The following TACC2 variants were observed in gnomAD, a reference collection of about 807,000 sequenced individuals.
TACC2 encodes the protein transforming acidic coiled-coil-containing protein 2.
Under a neutral mutation model 227.3 loss-of-function variants are expected in TACC2, and 137 were observed. That is an observed-to-expected ratio of 0.60 (90% CI 0.52 to 0.69). TACC2 has a LOEUF of 0.69. Among genes scored for constraint, TACC2 ranks in the 30% least tolerant of loss-of-function variants. The pLI is 0.00. For synonymous variants in TACC2, 1,523 were observed against 1,487.5 expected (o/e 1.02, Z -0.55); for missense variants, 3,470 against 3,694.4 (o/e 0.94, Z 1.57).
chr10:122,235,793 C>A (rs1047548963), intron 16 of TACC2, among the ~76,000 whole-genome samples: 1 of 152,108 alleles, frequency 6.6e-6, no homozygotes, highest in Non-Finnish European at 1.5e-5. Flanking sequence ...GGTCAAGCGT[C>A]CTTAAAACGG....
At chr10:122,159,891 G>A (rs1213602020) in intron 7 of TACC2, among the ~76,000 whole-genome samples, 4 of 152,160 alleles carry the variant, frequency 2.6e-5, no homozygotes, top group Non-Finnish European at 4.4e-5. Context: ...GAGACTCCCT[G>A]AGGCCAGAGG....
intron 5 of TACC2, among the ~76,000 whole-genome samples, chr10:122,116,741 T>C (rs1277381490): frequency 6.6e-6 from 1 of 152,236 alleles, no homozygotes; most frequent in Non-Finnish European, 1.5e-5. Context: ...TGCTGTAGCC[T>C]GTGTGCATTA....
chr10:122,158,336 C>G (rs1340717881), intron 7 of TACC2, among the ~76,000 whole-genome samples: 7 of 151,890 alleles, frequency 4.6e-5, no homozygotes, highest in African/African-American at 1.7e-4. Flanking sequence ...TTGCAGTGAG[C>G]TGAGATCGTG....
rs905232145 is a variant in TACC2, at chr10:122,194,298, T to C, written c.5835-742T>C. 3.9e-5 allele frequency among the ~76,000 whole-genome samples: 6 copies of C among 152,158 alleles called. No homozygotes were observed. The highest frequency in any genetic ancestry group is 1.4e-4 in the African/African-American group (6 of 41,426). On this transcript the variant is annotated intron_variant, in intron 7 of 22. Coordinates refer to ENST00000369005, the MANE Select transcript of TACC2 (RefSeq NM_206862.4). This position sits in a 1 kb window ranked among gnomAD's most constrained non-coding sequence, Gnocchi z 4.4. ...TGTTAGTGGGCAGAGTTTCTCCACA[T>C]GGATTTTTGGTCCAGTTCTCTGGGT...
chr10:122,094,416 C>A (rs891721913), intron 5 of TACC2, among the ~76,000 whole-genome samples: 12 of 152,308 alleles, frequency 7.9e-5, no homozygotes, highest in African/African-American at 2.9e-4. Context: ...GTAGCTGAGA[C>A]TGCAGGTGCG....
chr10:122,230,337 C>A lies in TACC2; in HGVS notation c.8038-14C>A, dbSNP rs1401570424. ...TGCATTTCCCTGCGGTTTGCCCACA[C>A]TCCCTGTGGGCAGGAGGAGTTAGAG... is the stretch of plus-strand genomic sequence containing the variant. On this transcript the variant is annotated splice_polypyrimidine_tract_variant and intron_variant, in intron 15 of 22. Coordinates refer to ENST00000369005, the MANE Select transcript of TACC2 (RefSeq NM_206862.4). The A allele has an allele frequency of 6.2e-7, 1 of 1,602,592 alleles. No individual in the cohort carries two copies. Among genetic ancestry groups the A allele is most frequent in the Non-Finnish European group, 8.6e-7 (1 of 1,169,574 alleles).
chr10:122,062,954 T>A (rs2076997973), intron 3 of TACC2, among the ~76,000 whole-genome samples: 1 of 152,112 alleles, frequency 6.6e-6, no homozygotes, highest in Non-Finnish European at 1.5e-5. Flanking sequence ...AAATCAGGGC[T>A]CAGAGAGGTT....
At chr10:122,169,667 A>G (rs2093369509) in intron 7 of TACC2, among the ~76,000 whole-genome samples, 1 of 152,122 alleles carries the variant, frequency 6.6e-6, no homozygotes, top group African/African-American at 2.4e-5. Flanking sequence ...CTCTCTCTCT[A>G]AGACATCTCA....
At chr10:122,204,883 G>A (rs2140920114) in intron 8 of TACC2, among the ~76,000 whole-genome samples, 1 of 151,904 alleles carries the variant, frequency 6.6e-6, no homozygotes. Flanking sequence ...ATCAGCCCAG[G>A]GCTGCTGAAG....
At chr10:122,220,591 T>A (rs1020847587) in intron 11 of TACC2, among the ~76,000 whole-genome samples, 1 of 152,196 alleles carries the variant, frequency 6.6e-6, no homozygotes, top group Non-Finnish European at 1.5e-5. Context: ...ATGTGATTGA[T>A]CGTCAGAAAG....
intron 7 of TACC2, among the ~76,000 whole-genome samples, chr10:122,190,536 C>G (rs2094375040): frequency 6.6e-6 from 1 of 152,162 alleles, no homozygotes; most frequent in Non-Finnish European, 1.5e-5. Context: ...TTCCCTCTTT[C>G]CTGCTTGGTT....
chr10:122,084,424 G>A lies in TACC2; in HGVS notation c.1924G>A (p.Gly642Arg), dbSNP rs1408943663. Residue 642 changes from glycine to arginine, a missense_variant, in exon 4 of 23, where the codon GGG becomes AGG. Transcript: ENST00000369005. ...ACAGCCACCCAGAAAGGGGGGTGCT[G>A]GGCACACGGACGGGCCCCACTCTCA... ...SAQPPRKGGA[G>R]HTDGPHSQTA... The A allele has an allele frequency of 1.2e-6, 2 of 1,612,922 alleles. No individual in the cohort carries two copies. The highest frequency in any genetic ancestry group is 1.7e-5 in the Admixed American group (1 of 60,026).
intron 19 of TACC2, 121 bp downstream of exon 19, chr10:122,242,122 G>C: frequency 1.1e-6 from 1 of 914,010 alleles, no homozygotes; most frequent in Non-Finnish European, 1.8e-6. Context: ...TTCAGGGAAG[G>C]ACCAGAGCAT....
intron 11 of TACC2, among the ~76,000 whole-genome samples, chr10:122,218,675 T>C (rs2095461390): frequency 6.6e-6 from 1 of 152,174 alleles, no homozygotes; most frequent in Non-Finnish European, 1.5e-5. Flanking sequence ...GCCTTTTGGT[T>C]GGCTGTCAGG....
At chr10:122,249,292 C>T in intron 21 of TACC2, 136 bp downstream of exon 21, 1 of 745,118 alleles carries the variant, frequency 1.3e-6, no homozygotes, top group East Asian at 2.7e-5. Context: ...TTCAATAAGA[C>T]TCGAGAGAAG....
intron 9 of TACC2, among the ~76,000 whole-genome samples, chr10:122,213,692 C>T (rs1009766024): frequency 6.6e-5 from 10 of 152,112 alleles, no homozygotes; most frequent in African/African-American, 2.4e-4. Context: ...TTTTTAAACT[C>T]TTCATTACAT....
In TACC2 at chr10:122,084,601, C is replaced by T; in HGVS notation, c.2101C>T (p.Leu701Phe). The change falls in exon 4 of 23, where the codon CTT becomes TTT. Residue 701 changes from leucine to phenylalanine, a missense_variant. By Grantham distance (22) the Leu-to-Phe change is conservative. Transcript: ENST00000369005. Reference sequence around the variant, plus strand: ...ATTGCAGCCCAAATGTCCTGACACCCTTCAGAGCAGGGAAGGATTGGGAAG... The same window carrying T: ...ATTGCAGCCCAAATGTCCTGACACCTTTCAGAGCAGGGAAGGATTGGGAAG... ...SGLQPKCPDT[L>F]QSREGLGRME... 6.2e-7 allele frequency: 1 copy of T among 1,613,830 alleles called. No homozygotes were observed.
rs193067571 is a variant in TACC2, at chr10:122,097,233, G to T, written c.5573+8642G>T. ...GGTCCCAGCTATTCAGGAGGCTGAG[G>T]TGGGAGGATCGCTTGAGCCCAGGAG... is the stretch of plus-strand genomic sequence containing the variant. On this transcript the variant is annotated intron_variant, in intron 5 of 22. Transcript: ENST00000369005. Among the ~76,000 whole-genome samples the T allele has an allele frequency of 2.2e-4, 33 of 152,296 alleles. No homozygotes were observed. In the East Asian group the frequency reaches 6.0e-3, roughly 28 times the overall value.
At position 122,085,736 on chromosome 10, in the gene TACC2, CAG is replaced by C. The variant is rs758166315; in HGVS notation, c.3239_3240del (p.Glu1080GlyfsTer3). The C allele has an allele frequency of 5.0e-5, 80 of 1,613,790 alleles. No individual in the cohort carries two copies. The highest frequency in any genetic ancestry group is 2.7e-4 in the Admixed American group (16 of 60,004). Reference sequence around the variant, plus strand: ...ACACCCACCCAGGATGCCCCAGAGACAGAGGCATGTGATGAAACCCAGGAAGG... The same window carrying C: ...ACACCCACCCAGGATGCCCCAGAGACAGGCATGTGATGAAACCCAGGAAGG... On this transcript the variant is annotated frameshift_variant, in exon 4 of 23. Transcript: ENST00000369005. LOFTEE classifies it high-confidence loss of function.
Sources: gnomAD v4.1 joint callset for allele counts (sites outside exome capture counted in the v4.1 genomes callset) on GRCh38, gnomAD v4.1.1 for gene constraint, Gnocchi (gnomAD v3.1) non-coding constraint, MANE v1.5 for transcripts, NCBI Gene and HGNC (gene_info 2026-07-23, HGNC 2026-07-21) for gene names.